Variants in NTSR1 observed in about 807,000 individuals in gnomAD.
The protein encoded by NTSR1 is neurotensin receptor type 1.
In NTSR1, 29 loss-of-function variants were observed where a neutral mutation model predicts 31.2. That is an observed-to-expected ratio of 0.93 (90% CI 0.69 to 1.27). The LOEUF (loss-of-function observed/expected upper bound fraction) is 1.27, where lower values mean the gene tolerates loss of function less well. NTSR1 is among the 50% of genes most tolerant of loss of function. The pLI is 0.00. For synonymous variants in NTSR1, 282 were observed against 269.9 expected (o/e 1.04, Z -0.44); for missense variants, 697 against 595.4 (o/e 1.17, Z -1.78).
chr20:62,744,879 C>T lies in NTSR1; in HGVS notation c.715-9806C>T, dbSNP rs1031969356. Among the ~76,000 whole-genome samples the T allele has an allele frequency of 2.6e-5, 4 of 152,178 alleles. No homozygotes were observed. The highest frequency in any genetic ancestry group is 7.2e-5 in the African/African-American group (3 of 41,434). On this transcript the variant is annotated intron_variant, in intron 1 of 3. Coordinates refer to ENST00000370501, the MANE Select transcript of NTSR1 (RefSeq NM_002531.3). The surrounding 1 kb of genome is among the most constrained non-coding windows in gnomAD (Gnocchi z 4.1). ...CTTGAGGCCCTACCAACCACTCAAA[C>T]GCCATTCCCAGACCCAGACAGGGCT...
rs1989544821 is a variant in NTSR1 at position 62,758,114 on chromosome 20, G to A, written c.917-152G>A. 6.7e-6 allele frequency: 4 copies of A among 595,938 alleles called. No homozygotes were observed. The highest frequency in any genetic ancestry group is 2.8e-5 in the Admixed American group (1 of 35,438). 36.9% of individuals were successfully genotyped at this position (595,938 alleles called of 1,614,324 possible). A position where few individuals can be genotyped will look rare whatever the true frequency, so the allele number is the denominator to read the frequency against. ...CTGAGCCCATGTCTCTGTGCCTCAG[G>A]TGCAGTGGGTCTCTGAGCCCACGTC... is the stretch of plus-strand genomic sequence containing the variant. On this transcript the variant is annotated intron_variant, in intron 2 of 3. Coordinates refer to ENST00000370501, the MANE Select transcript of NTSR1 (RefSeq NM_002531.3). This position sits in a 1 kb window ranked among gnomAD's most constrained non-coding sequence, Gnocchi z 4.5.
At position 62,760,557 on chromosome 20, in the gene NTSR1, TAG is replaced by T. The variant is rs1435587196; in HGVS notation, c.*291_*292del. The T allele has an allele frequency of 2.9e-6, 1 of 350,090 alleles. No homozygotes were observed. Among genetic ancestry groups the T allele is most frequent in the Admixed American group, 4.2e-5 (1 of 23,578 alleles). 21.7% of individuals were successfully genotyped at this position (350,090 alleles called of 1,614,324 possible). A position where few individuals can be genotyped will look rare whatever the true frequency, so the allele number is the denominator to read the frequency against. ...AAAAGGGCCTCTAACAAGGAGAAAT[TAG>T]TGTGCGGCAAAAGGCAGTTTTCTTT... On this transcript the variant is annotated 3_prime_UTR_variant, in exon 4 of 4. Transcript: ENST00000370501.
rs6122125 is a variant in NTSR1 at position 62,717,897 on chromosome 20, G to A, written c.714+7976G>A. On this transcript the variant is annotated intron_variant, in intron 1 of 3. Coordinates refer to ENST00000370501, the MANE Select transcript of NTSR1 (RefSeq NM_002531.3). The stretch of plus-strand genomic sequence containing the variant: ...AAATAAATAGGCACCATACATGGCC[G>A]GCAAGGAGTAACGAGAGCCGCAGAG... Among the ~76,000 whole-genome samples the A allele has an allele frequency of 1.9e-4, 29 of 152,300 alleles. No individual in the cohort carries two copies. In the East Asian group the frequency reaches 5.4e-3, roughly 28 times the overall value.
chr20:62,744,912 A>G lies in NTSR1; in HGVS notation c.715-9773A>G, dbSNP rs1989272301. 6.6e-6 allele frequency among the ~76,000 whole-genome samples: 1 copy of G among 152,212 alleles called. No homozygotes were observed. Among genetic ancestry groups the G allele is most frequent in the African/African-American group, 2.4e-5 (1 of 41,448 alleles). ...CCAGACCCAGACAGGGCTAGGAGGCAAGGGGTAGCAGCTGAGGGGTGCACA... is the reference window on the plus strand; with the variant it reads ...CCAGACCCAGACAGGGCTAGGAGGCGAGGGGTAGCAGCTGAGGGGTGCACA... On this transcript the variant is annotated intron_variant, in intron 1 of 3. Transcript: ENST00000370501. The surrounding 1 kb of genome is among the most constrained non-coding windows in gnomAD (Gnocchi z 4.1).
rs926288369 is a variant in NTSR1, at chr20:62,743,933, G to A, written c.715-10752G>A. ...CAGGCATACCGTGTGCACCCCTCCCGCTCCCCACCTGGTCTCCACGGCCAA... is the reference window on the plus strand; with the variant it reads ...CAGGCATACCGTGTGCACCCCTCCCACTCCCCACCTGGTCTCCACGGCCAA... On this transcript the variant is annotated intron_variant, in intron 1 of 3. Transcript: ENST00000370501. This position sits in a 1 kb window ranked among gnomAD's most constrained non-coding sequence, Gnocchi z 7.5. 1.1e-4 allele frequency among the ~76,000 whole-genome samples: 16 copies of A among 152,186 alleles called. No individual in the cohort carries two copies. Among genetic ancestry groups the A allele is most frequent in the Admixed American group, 5.9e-4 (9 of 15,292 alleles).
rs918265697 is a variant in NTSR1, at chr20:62,742,899, G to A, written c.715-11786G>A. Among the ~76,000 whole-genome samples, 1 of 149,628 alleles carries A rather than the reference G, an allele frequency of 6.7e-6. No individual in the cohort carries two copies. Among genetic ancestry groups the A allele is most frequent in the African/African-American group, 2.5e-5 (1 of 40,058 alleles). ...TGGTCACAGTGGCTCTGGTGTGGCC[G>A]TGGGGTTCCTGTTCATCCCAGGGCA... On this transcript the variant is annotated intron_variant, in intron 1 of 3. Coordinates refer to ENST00000370501, the MANE Select transcript of NTSR1 (RefSeq NM_002531.3). The surrounding 1 kb of genome is among the most constrained non-coding windows in gnomAD (Gnocchi z 7.1).
chr20:62,716,757 C>A (rs1456237218), intron 1 of NTSR1, among the ~76,000 whole-genome samples: 2 of 152,214 alleles, frequency 1.3e-5, no homozygotes, highest in African/African-American at 2.4e-5. Context: ...AGAGCATGAG[C>A]CCCCATCCCG....
At chr20:62,712,869 G>T (rs1419279213) in intron 1 of NTSR1, among the ~76,000 whole-genome samples, 1 of 152,216 alleles carries the variant, frequency 6.6e-6, no homozygotes, top group African/African-American at 2.4e-5. Flanking sequence ...GATCTGTGTG[G>T]CAGGGCTCAG....
chr20:62,754,819 C>T lies in NTSR1; in HGVS notation c.849C>T (p.His283=). 1.9e-6 allele frequency: 3 copies of T among 1,609,592 alleles called. No homozygotes were observed. Among genetic ancestry groups the T allele is most frequent in the East Asian group, 4.5e-5 (2 of 44,880 alleles). ...QGQVCTVGGE[H]STFSMAIEPG... is the part of the protein sequence containing the mutation. ...AAGTGTGCACGGTCGGGGGCGAGCA[C>T]AGCACATTCAGCATGGCCATCGAGC... is the stretch of plus-strand genomic sequence containing the variant. Residue 283 remains histidine (H), a synonymous_variant, in exon 2 of 4, where the codon CAC becomes CAT. Coordinates refer to ENST00000370501, the MANE Select transcript of NTSR1 (RefSeq NM_002531.3).
chr20:62,755,738 C>CTCCA (rs372639183), intron 2 of NTSR1, among the ~76,000 whole-genome samples: 3 of 2,486 alleles, frequency 1.2e-3, no homozygotes, highest in Non-Finnish European at 2.9e-3. Context: ...CCCTCCCTCC[C>CTCCA]TCCCTCCCTC....
At chr20:62,735,702 G>C (rs1351934820) in intron 1 of NTSR1, among the ~76,000 whole-genome samples, 1 of 152,204 alleles carries the variant, frequency 6.6e-6, no homozygotes, top group Non-Finnish European at 1.5e-5. Flanking sequence ...GGGTAACACG[G>C]GAGTCCCCCC....
chr20:62,721,806 C>G (rs138949611), intron 1 of NTSR1, among the ~76,000 whole-genome samples: 5 of 152,170 alleles, frequency 3.3e-5, no homozygotes, highest in Non-Finnish European at 7.3e-5. Flanking sequence ...CCAGGAAGCC[C>G]GAGTATTCCA....
intron 1 of NTSR1, among the ~76,000 whole-genome samples, chr20:62,729,626 ATTTTT>A (rs36003279): frequency 4.4e-4 from 54 of 122,780 alleles, no homozygotes; most frequent in East Asian, 4.9e-4. Flanking sequence ...GGGGTTTCTA[ATTTTT>A]TTTTTTTTTT....
chr20:62,713,042 G>A (rs1476327480), intron 1 of NTSR1, among the ~76,000 whole-genome samples: 1 of 152,208 alleles, frequency 6.6e-6, no homozygotes, highest in African/African-American at 2.4e-5. Context: ...GGTGGCTGCA[G>A]CCTTTGAAAC....
chr20:62,724,885 C>T (rs1161194958), intron 1 of NTSR1, among the ~76,000 whole-genome samples: 2 of 152,196 alleles, frequency 1.3e-5, no homozygotes, highest in Non-Finnish European at 2.9e-5. Context: ...CGTGGCTTCC[C>T]CCTGTGCGTC....
rs538380680 is a variant in NTSR1, at chr20:62,737,630, C to T, written c.715-17055C>T. ...GAGAGAGATGCCGTCCCTGCCTGGGCGCTGCGATCCTCCTTCCTTCCCACC... is the reference window on the plus strand; with the variant it reads ...GAGAGAGATGCCGTCCCTGCCTGGGTGCTGCGATCCTCCTTCCTTCCCACC... On this transcript the variant is annotated intron_variant, in intron 1 of 3. Transcript: ENST00000370501. Among the ~76,000 whole-genome samples, 147 of 152,202 alleles carry T rather than the reference C, an allele frequency of 9.7e-4. 6 individuals are homozygous for T. The highest frequency in any genetic ancestry group is 3.2e-3 in the African/African-American group (132 of 41,516).
intron 1 of NTSR1, among the ~76,000 whole-genome samples, chr20:62,737,704 G>A (rs1881358254): frequency 2.0e-5 from 3 of 151,992 alleles, no homozygotes; most frequent in South Asian, 2.1e-4. Flanking sequence ...CCCGGATGCA[G>A]GCCACACCTG....
rs537249592 is a variant in NTSR1 at position 62,715,883 on chromosome 20, T to C, written c.714+5962T>C. ...GCTCCCAGCTGGTAACATCTGATGA[T>C]GGGCAGAGAGGGCCCTGGGCTGAGC... On this transcript the variant is annotated intron_variant, in intron 1 of 3. Transcript: ENST00000370501. The surrounding 1 kb of genome is among the most constrained non-coding windows in gnomAD (Gnocchi z 4.7). Among the ~76,000 whole-genome samples, 11 of 152,202 alleles carry C rather than the reference T, an allele frequency of 7.2e-5. No homozygotes were observed. Among genetic ancestry groups the C allele is most frequent in the East Asian group, 3.9e-4 (2 of 5,160 alleles).
chr20:62,753,338 G>A (rs1009796527), intron 1 of NTSR1, among the ~76,000 whole-genome samples: 31 of 152,328 alleles, frequency 2.0e-4, no homozygotes, highest in East Asian at 5.8e-4. Context: ...GAGACACGGC[G>A]AGGATTGTCC....
Sources: allele counts gnomAD v4.1 joint callset (sites outside exome capture counted in the v4.1 genomes callset), GRCh38; gene constraint gnomAD v4.1.1; non-coding constraint Gnocchi (gnomAD v3.1); transcripts MANE v1.5; gene names NCBI Gene and HGNC (gene_info 2026-07-23, HGNC 2026-07-21).